Variants in ITGA11 observed in about 807,000 individuals in gnomAD.
The protein encoded by ITGA11 is integrin alpha-11.
A neutral mutation model predicts 141.9 loss-of-function variants in ITGA11; 97 were observed. The ratio of observed to expected loss-of-function variants is 0.68; its 90% CI spans 0.58 to 0.81. The LOEUF (loss-of-function observed/expected upper bound fraction) is 0.81, where lower values mean the gene tolerates loss of function less well. Among genes scored for constraint, ITGA11 ranks in the 30% least tolerant of loss-of-function variants. The pLI, the probability that ITGA11 is intolerant of heterozygous loss-of-function variation, is 0.00. For synonymous variants in ITGA11, 658 were observed against 624.6 expected (o/e 1.05, Z -0.80); for missense variants, 1,387 against 1,559.2 (o/e 0.89, Z 1.86).
At chr15:68,334,918 C>T (rs1894296832) in intron 12 of ITGA11, among the ~76,000 whole-genome samples, 1 of 152,066 alleles carries the variant, frequency 6.6e-6, no homozygotes, top group Admixed American at 6.6e-5. Context: ...GGCCTGCACC[C>T]AAGAGACAGG....
At chr15:68,419,757 T>C (rs1457079610) in intron 1 of ITGA11, among the ~76,000 whole-genome samples, 1 of 152,228 alleles carries the variant, frequency 6.6e-6, no homozygotes, top group Non-Finnish European at 1.5e-5. Flanking sequence ...CTCTCTTGTT[T>C]AGCAGCAGAT....
At chr15:68,310,878 G>T in intron 26 of ITGA11, 116 bp downstream of exon 26, 1 of 745,822 alleles carries the variant, frequency 1.3e-6, no homozygotes, top group Non-Finnish European at 2.3e-6. Context: ...GTACATACAG[G>T]TGCTCAGTAA....
rs1260557290 is a variant in ITGA11, at chr15:68,335,795, C to T, written c.1327G>A (p.Ala443Thr). 1 of 1,613,384 alleles carries T rather than the reference C, an allele frequency of 6.2e-7. No individual in the cohort carries two copies. The highest frequency in any genetic ancestry group is 8.5e-7 in the Non-Finnish European group (1 of 1,179,628). Reference sequence around the variant, plus strand: ...GTGTGGTTGAACCGGGGGGCTCCGGCCACGTACACCCGCCCCTGCCTGGAG... The same window carrying T: ...GTGTGGTTGAACCGGGGGGCTCCGGTCACGTACACCCGCCCCTGCCTGGAG... Reference protein sequence around the residue: ...VSSRQGRVYVAGAPRFNHTGK... With the variant: ...VSSRQGRVYVTGAPRFNHTGK... The change falls in exon 12 of 30, where the codon GCC becomes ACC. Residue 443 changes from alanine to threonine, a missense_variant. Ala to Thr is a moderately conservative substitution (Grantham distance 58). Transcript: ENST00000315757. This position sits in a 1 kb window ranked among gnomAD's most constrained non-coding sequence, Gnocchi z 4.9.
intron 10 of ITGA11, among the ~76,000 whole-genome samples, chr15:68,343,853 G>T (rs1894649188): frequency 6.6e-6 from 1 of 152,228 alleles, no homozygotes; most frequent in Non-Finnish European, 1.5e-5. Flanking sequence ...GGGATGAATG[G>T]CCAGGAGGCT....
intron 1 of ITGA11, among the ~76,000 whole-genome samples, chr15:68,427,844 C>T (rs575970635): frequency 6.6e-6 from 1 of 152,230 alleles, no homozygotes; most frequent in South Asian, 2.1e-4. Flanking sequence ...CTTTGGAGCT[C>T]ACAGCTGCTT....
At chr15:68,323,752 C>T (rs765887784) in intron 18 of ITGA11, among the ~76,000 whole-genome samples, 8 of 152,206 alleles carry the variant, frequency 5.3e-5, no homozygotes, top group Non-Finnish European at 1.2e-4. Flanking sequence ...AGCCCATCCT[C>T]CCTGTCTCTG....
At chr15:68,374,121 G>A (rs191660693) in intron 2 of ITGA11, among the ~76,000 whole-genome samples, 17 of 151,464 alleles carry the variant, frequency 1.1e-4, no homozygotes, top group African/African-American at 4.1e-4. Flanking sequence ...CAAGACCAAT[G>A]AGGGAGAAGC....
intron 1 of ITGA11, among the ~76,000 whole-genome samples, chr15:68,419,911 T>C (rs1213317076): frequency 1.3e-5 from 2 of 152,200 alleles, no homozygotes; most frequent in South Asian, 2.1e-4. Context: ...AGTATTACTG[T>C]TGCCATTAAG....
In ITGA11 at chr15:68,333,570, C is replaced by A. The variant is rs183041043; in HGVS notation, c.1426-1092G>T. ...GAAACCCAGAAACCCTGACTCCACC[C>A]TCCACCTCTCCCACCCGTAAACCTG... is the stretch of plus-strand genomic sequence containing the variant. On this transcript the variant is annotated intron_variant, in intron 12 of 29. Transcript: ENST00000315757. This position sits in a 1 kb window ranked among gnomAD's most constrained non-coding sequence, Gnocchi z 4.2. Among the ~76,000 whole-genome samples, 1 of 152,116 alleles carries A rather than the reference C, an allele frequency of 6.6e-6. No individual in the cohort carries two copies. The highest frequency in any genetic ancestry group is 2.4e-5 in the African/African-American group (1 of 41,404).
At chr15:68,359,138 T>G (rs1466584379) in intron 5 of ITGA11, among the ~76,000 whole-genome samples, 1 of 152,192 alleles carries the variant, frequency 6.6e-6, no homozygotes, top group African/African-American at 2.4e-5. Flanking sequence ...AGTAAAGAGT[T>G]GCCTAGAGTA....
chr15:68,361,023 G>A (rs1245534107), intron 5 of ITGA11, among the ~76,000 whole-genome samples: 2 of 152,154 alleles, frequency 1.3e-5, no homozygotes, highest in African/African-American at 4.8e-5. Context: ...GGCAGGGTCT[G>A]AGCAGTAATT....
chr15:68,387,902 T>C (rs1175078671), intron 2 of ITGA11, among the ~76,000 whole-genome samples: 2 of 152,242 alleles, frequency 1.3e-5, no homozygotes, highest in East Asian at 1.9e-4. Context: ...CTCATACCTA[T>C]GGACGTTCTG....
chr15:68,330,476 T>G (rs1297438105), intron 15 of ITGA11, among the ~76,000 whole-genome samples: 1 of 146,200 alleles, frequency 6.8e-6, no homozygotes, highest in Non-Finnish European at 1.5e-5. Context: ...TATGAAAAAA[T>G]ACTCAAGGTC....
chr15:68,312,494 C>G (rs1236832576), intron 24 of ITGA11, among the ~76,000 whole-genome samples: 1 of 152,068 alleles, frequency 6.6e-6, no homozygotes, highest in East Asian at 1.9e-4. Flanking sequence ...GAGAGTAAAC[C>G]CTAGTGTGTT....
chr15:68,317,203 C>G, intron 21 of ITGA11, 62 bp downstream of exon 21: 5 of 1,242,468 alleles, frequency 4.0e-6, no homozygotes, highest in Non-Finnish European at 5.9e-6. Flanking sequence ...CCGCCCTCCC[C>G]AAACTACCTG....
chr15:68,384,782 G>A (rs1000243784), intron 2 of ITGA11, among the ~76,000 whole-genome samples: 8 of 152,338 alleles, frequency 5.3e-5, no homozygotes, highest in African/African-American at 1.7e-4. Context: ...TTTATGTGCT[G>A]TGGTGTTGGG....
intron 7 of ITGA11, among the ~76,000 whole-genome samples, chr15:68,352,282 T>C (rs1393124140): frequency 6.7e-6 from 1 of 149,408 alleles, no homozygotes; most frequent in East Asian, 2.1e-4. Context: ...AACCTCTTCC[T>C]CCCGGGTTCA....
At chr15:68,383,661 G>A (rs1895915406) in intron 2 of ITGA11, among the ~76,000 whole-genome samples, 1 of 152,202 alleles carries the variant, frequency 6.6e-6, no homozygotes, top group Admixed American at 6.5e-5. Flanking sequence ...AAGTGCCAAG[G>A]AGCAATTAAA....
At chr15:68,371,745 C>T (rs115015391) in intron 2 of ITGA11, among the ~76,000 whole-genome samples, 1,731 of 151,906 alleles carry the variant, frequency 0.011, 37 homozygotes, top group African/African-American at 0.039. Context: ...AGAAAGGCAC[C>T]GAGAAACAGA....
Sources: allele counts gnomAD v4.1 joint callset (sites outside exome capture counted in the v4.1 genomes callset), GRCh38; gene constraint gnomAD v4.1.1; non-coding constraint Gnocchi (gnomAD v3.1); transcripts MANE v1.5; gene names NCBI Gene and HGNC (gene_info 2026-07-23, HGNC 2026-07-21).